The following IMMP2L variants were observed in gnomAD, a reference collection of about 807,000 sequenced individuals.
IMMP2L encodes the protein inner mitochondrial membrane peptidase subunit 2, also known as mitochondrial inner membrane protease subunit 2.
IMMP2L carries 18 observed loss-of-function variants against 19.3 expected under a neutral mutation model. The ratio of observed to expected loss-of-function variants is 0.93; its 90% CI spans 0.64 to 1.38. The LOEUF is 1.38. Among genes scored for constraint, IMMP2L ranks in the 40% most tolerant of loss-of-function variants. The pLI is 0.00. For missense variants in IMMP2L, 233 were observed against 218.2 expected (o/e 1.07, Z -0.43); for synonymous variants, 76 against 73.0 (o/e 1.04, Z -0.21).
intron 3 of IMMP2L, among the ~76,000 whole-genome samples, chr7:111,321,337 T>C (rs1824688673): frequency 6.6e-6 from 1 of 151,968 alleles, no homozygotes; most frequent in South Asian, 2.1e-4. Flanking sequence ...TGCTTCCGTA[T>C]ATGATTTAAT....
At position 111,080,922 on chromosome 7, in the gene IMMP2L, A is replaced by G. The variant is rs528595076; in HGVS notation, c.240-117357T>C. Among the ~76,000 whole-genome samples the G allele has an allele frequency of 7.0e-4, 107 of 152,350 alleles. 1 individual carries two copies. The Middle Eastern group carries it at 0.02, about 29-fold the overall frequency. ...TTTCTTGTCAGCAGCCATGATATCT[A>G]AACTGCTAAATATATACCCTAAGTA... On this transcript the variant is annotated intron_variant, in intron 3 of 5. Transcript: ENST00000405709.
intron 2 of IMMP2L, among the ~76,000 whole-genome samples, chr7:111,517,184 A>G (rs1219542114): frequency 1.3e-5 from 2 of 151,474 alleles, no homozygotes; most frequent in Non-Finnish European, 2.9e-5. Context: ...CTCAGCAGGA[A>G]ACAAGATAAT....
In IMMP2L at chr7:110,746,126, C is replaced by A. The variant is rs572662761; in HGVS notation, c.409-82405G>T. ...CAATCCTAGTCTCTGATAAAACAGA[C>A]TTTAAACCAACAAAGATCAAAACAG... On this transcript the variant is annotated intron_variant, in intron 5 of 5. Transcript: ENST00000405709. Among the ~76,000 whole-genome samples the A allele has an allele frequency of 2.6e-5, 4 of 152,220 alleles. No individual in the cohort carries two copies. The South Asian group carries it at 6.2e-4, about 24-fold the overall frequency.
At chr7:110,831,830 G>A (rs1030005692) in intron 5 of IMMP2L, among the ~76,000 whole-genome samples, 1 of 152,186 alleles carries the variant, frequency 6.6e-6, no homozygotes, top group Non-Finnish European at 1.5e-5. Flanking sequence ...TTCTTTCCAG[G>A]TGAAGTCTAA....
At chr7:111,263,356 T>C (rs1444752149) in intron 3 of IMMP2L, among the ~76,000 whole-genome samples, 1 of 152,070 alleles carries the variant, frequency 6.6e-6, no homozygotes, top group African/African-American at 2.4e-5. Context: ...ATATAAAATA[T>C]GAAAACAACA....
chr7:111,084,404 C>T (rs977279942), intron 3 of IMMP2L, among the ~76,000 whole-genome samples: 9 of 151,120 alleles, frequency 6.0e-5, no homozygotes, highest in African/African-American at 1.5e-4. Context: ...CTGGGGATCA[C>T]GCAAGTAGAG....
chr7:110,998,222 G>A (rs1302174840), intron 3 of IMMP2L, among the ~76,000 whole-genome samples: 1 of 152,080 alleles, frequency 6.6e-6, no homozygotes, highest in East Asian at 1.9e-4. Context: ...TGTTCCGAAT[G>A]CCTACAAAAA....
intron 3 of IMMP2L, among the ~76,000 whole-genome samples, chr7:111,274,231 G>C (rs1330051554): frequency 6.6e-6 from 1 of 152,024 alleles, no homozygotes; most frequent in Admixed American, 6.6e-5. Flanking sequence ...TGATCTGGTA[G>C]GATCACCTTT....
chr7:110,944,348 G>T (rs1174666445), intron 4 of IMMP2L, among the ~76,000 whole-genome samples: 1 of 151,916 alleles, frequency 6.6e-6, no homozygotes, highest in Non-Finnish European at 1.5e-5. Flanking sequence ...TAGATGGATG[G>T]GGATGGAGAA....
At chr7:111,197,148 C>A (rs974095120) in intron 3 of IMMP2L, among the ~76,000 whole-genome samples, 2 of 151,920 alleles carry the variant, frequency 1.3e-5, no homozygotes, top group Admixed American at 1.3e-4. Context: ...ATCACATAAG[C>A]CAACAAATTC....
chr7:111,387,988 A>AAAAAAACAAAAAACAAAAAAAAAAAC (rs1563131614), intron 3 of IMMP2L, among the ~76,000 whole-genome samples: 1 of 150,578 alleles, frequency 6.6e-6, no homozygotes, highest in African/African-American at 2.5e-5. Context: ...AAAAAAAAAA[A>AAAAAAACAAAAAACAAAAAAAAAAAC]AAAAAAAAAA....
intron 3 of IMMP2L, among the ~76,000 whole-genome samples, chr7:110,988,778 G>T (rs1822126099): frequency 1.3e-5 from 2 of 152,112 alleles, no homozygotes; most frequent in Admixed American, 1.3e-4. Flanking sequence ...AAAAGGAATA[G>T]TATGTATTCA....
chr7:111,432,736 T>C (rs1312831023), intron 3 of IMMP2L, among the ~76,000 whole-genome samples: 1 of 150,902 alleles, frequency 6.6e-6, no homozygotes, highest in Non-Finnish European at 1.5e-5. Flanking sequence ...CAAGAGAAAA[T>C]ATTCAAAGGC....
At chr7:111,560,167 T>C (rs1267432417) in intron 1 of IMMP2L, among the ~76,000 whole-genome samples, 1 of 152,148 alleles carries the variant, frequency 6.6e-6, no homozygotes, top group Non-Finnish European at 1.5e-5. Flanking sequence ...TAAGTGGTCA[T>C]CTGAAAGTGG....
chr7:111,198,484 G>A (rs769744001), intron 3 of IMMP2L, among the ~76,000 whole-genome samples: 7 of 152,080 alleles, frequency 4.6e-5, no homozygotes, highest in Non-Finnish European at 1.0e-4. Flanking sequence ...TACAACATGG[G>A]TGTACCAGGT....
intron 3 of IMMP2L, among the ~76,000 whole-genome samples, chr7:110,989,922 T>A (rs1822279054): frequency 6.6e-6 from 1 of 152,018 alleles, no homozygotes; most frequent in Non-Finnish European, 1.5e-5. Flanking sequence ...TTCTGAGTAT[T>A]TACTATTAAG....
chr7:111,398,587 C>T (rs36097731), intron 3 of IMMP2L, among the ~76,000 whole-genome samples: 3,513 of 152,086 alleles, frequency 0.023, 138 homozygotes, highest in African/African-American at 0.08. Flanking sequence ...CCCCCTCCCA[C>T]CACTTCTCTT....
chr7:111,209,146 CT>C (rs1344139191), intron 3 of IMMP2L, among the ~76,000 whole-genome samples: 8 of 152,134 alleles, frequency 5.3e-5, no homozygotes, highest in African/African-American at 1.9e-4. Context: ...AATCCCAGCA[CT>C]TTGGGAGGCT....
intron 3 of IMMP2L, among the ~76,000 whole-genome samples, chr7:111,471,160 A>G (rs1204580349): frequency 6.6e-6 from 1 of 152,066 alleles, no homozygotes; most frequent in African/African-American, 2.4e-5. Context: ...TAAGGCAGTA[A>G]GTGACTTAAG....
Sources: gnomAD v4.1 joint callset for allele counts (sites outside exome capture counted in the v4.1 genomes callset) on GRCh38, gnomAD v4.1.1 for gene constraint, MANE v1.5 for transcripts, NCBI Gene and HGNC (gene_info 2026-07-23, HGNC 2026-07-21) for gene names.